The following PIK3CG variants were observed in gnomAD, a reference collection of about 807,000 sequenced individuals.
The protein encoded by PIK3CG is phosphatidylinositol 4,5-bisphosphate 3-kinase catalytic subunit gamma isoform.
In PIK3CG, 55 loss-of-function variants were observed where a neutral mutation model predicts 102.3. The ratio of observed to expected loss-of-function variants is 0.54; its 90% CI spans 0.43 to 0.67. The LOEUF (loss-of-function observed/expected upper bound fraction) is 0.67. Among genes scored for constraint, PIK3CG ranks in the 30% least tolerant of loss-of-function variants. The pLI is 0.00. For missense variants in PIK3CG, 1,258 were observed against 1,391.8 expected, an observed-to-expected ratio of 0.90 and a Z score of 1.53; for synonymous variants, 552 against 540.0, an observed-to-expected ratio of 1.02 and a Z score of -0.31.
Position 106,869,099 on chromosome 7 carries a change from C to G in PIK3CG, c.1538C>G (p.Ser513Ter), listed in dbSNP as rs1329690412. ...TSATNPDKEN[S>*]MSISILLDNY... ...GCAACTAACCCAGACAAGGAGAACT[C>G]AATGTCCATCTCCATTCTTCTGGAC... is the stretch of plus-strand genomic sequence containing the variant. Residue 513 changes from serine (S) to a stop codon, truncating the protein, a stop_gained, in exon 2 of 11, where the codon TCA becomes TGA. Transcript: ENST00000496166. LOFTEE classifies it high-confidence loss of function. This position sits in a 1 kb window ranked among gnomAD's most constrained non-coding sequence, Gnocchi z 5.3. The G allele has an allele frequency of 6.2e-7, 1 of 1,614,208 alleles. No individual in the cohort carries two copies. The highest frequency in any genetic ancestry group is 8.5e-7 in the Non-Finnish European group (1 of 1,180,038).
At position 106,893,979 on chromosome 7, in the gene PIK3CG, C is replaced by G. The variant is rs141982050; in HGVS notation, c.3030+7687C>G. ...ACTTGTGTATCTAAACACATCTGAACGGAAAAGGAACAGTAAAAATATGGA... is the reference window on the plus strand; with the variant it reads ...ACTTGTGTATCTAAACACATCTGAAGGGAAAAGGAACAGTAAAAATATGGA... On this transcript the variant is annotated intron_variant, in intron 10 of 10. Coordinates refer to ENST00000496166, the MANE Select transcript of PIK3CG (RefSeq NM_001282426.2). The surrounding 1 kb of genome is among the most constrained non-coding windows in gnomAD (Gnocchi z 4.4). Among the ~76,000 whole-genome samples, 1 of 152,006 alleles carries G rather than the reference C, an allele frequency of 6.6e-6. No individual in the cohort carries two copies. The highest frequency in any genetic ancestry group is 2.4e-5 in the African/African-American group (1 of 41,372).
chr7:106,878,878 C>T (rs1369471523), intron 5 of PIK3CG, among the ~76,000 whole-genome samples: 1 of 152,206 alleles, frequency 6.6e-6, no homozygotes, highest in Admixed American at 6.5e-5. Context: ...CTTTAAATGA[C>T]TACATCACAA....
chr7:106,885,609 A>G (rs1678782444), intron 9 of PIK3CG, among the ~76,000 whole-genome samples: 1 of 144,478 alleles, frequency 6.9e-6, no homozygotes, highest in African/African-American at 2.9e-5. Context: ...TGGTGGTGAT[A>G]GTAGTAGTGG....
intron 10 of PIK3CG, among the ~76,000 whole-genome samples, chr7:106,900,089 G>A (rs1017493640): frequency 3.3e-5 from 5 of 152,208 alleles, no homozygotes; most frequent in African/African-American, 1.2e-4. Flanking sequence ...TTGGGAGGGT[G>A]TATGTGTCCA....
Position 106,883,483 on chromosome 7 carries a change from G to A in PIK3CG, c.2760+320G>A, listed in dbSNP as rs376159556. On this transcript the variant is annotated intron_variant, in intron 8 of 10. Coordinates refer to ENST00000496166, the MANE Select transcript of PIK3CG (RefSeq NM_001282426.2). This position sits in a 1 kb window ranked among gnomAD's most constrained non-coding sequence, Gnocchi z 5.8. ...CTATCTATTTTTGTTGTTCAGCCAA[G>A]ATATTTAGTTACCATGTATAAACTC... Among the ~76,000 whole-genome samples the A allele has an allele frequency of 3.0e-4, 45 of 152,306 alleles. 1 individual carries two copies. The South Asian group carries it at 8.7e-3, about 29-fold the overall frequency.
Position 106,867,478 on chromosome 7 carries a change from C to T in PIK3CG, c.-12-72C>T, listed in dbSNP as rs1029963152. 7.2e-7 allele frequency: 1 copy of T among 1,383,608 alleles called. No individual in the cohort carries two copies. The highest frequency in any genetic ancestry group is 9.8e-7 in the Non-Finnish European group (1 of 1,015,320). The allele number at this position is 1,383,608 out of a possible 1,614,324, so 85.7% of individuals were successfully genotyped here. On this transcript the variant is annotated intron_variant, in intron 1 of 10. Coordinates refer to ENST00000496166, the MANE Select transcript of PIK3CG (RefSeq NM_001282426.2). This position sits in a 1 kb window ranked among gnomAD's most constrained non-coding sequence, Gnocchi z 5.1. Reference sequence around the variant, plus strand: ...TGTACGCCGCCTATACCTCCTCTTCCCTCATCTCACCAGAAAATATAAGGG... The same window carrying T: ...TGTACGCCGCCTATACCTCCTCTTCTCTCATCTCACCAGAAAATATAAGGG...
Position 106,880,468 on chromosome 7 carries a change from AAG to A in PIK3CG, c.2538+805_2538+806del, listed in dbSNP as rs1790899774. Among the ~76,000 whole-genome samples, 1 of 152,054 alleles carries A rather than the reference AAG, an allele frequency of 6.6e-6. No individual in the cohort carries two copies. Among genetic ancestry groups the A allele is most frequent in the Non-Finnish European group, 1.5e-5 (1 of 68,016 alleles). Reference sequence around the variant, plus strand: ...TTTGCTTTGCCTTTGCTTTGCTTTCAAGAATGATCTATGTTTTGTCCAGGAGG... The same window carrying A: ...TTTGCTTTGCCTTTGCTTTGCTTTCAAATGATCTATGTTTTGTCCAGGAGG... On this transcript the variant is annotated intron_variant, in intron 6 of 10. Transcript: ENST00000496166. The surrounding 1 kb of genome is among the most constrained non-coding windows in gnomAD (Gnocchi z 4.2).
chr7:106,878,524 C>T (rs1210495390), intron 5 of PIK3CG, among the ~76,000 whole-genome samples: 2 of 152,226 alleles, frequency 1.3e-5, no homozygotes, highest in Non-Finnish European at 2.9e-5. Flanking sequence ...TTCCTCTGTG[C>T]TGTAGCCTAG....
chr7:106,868,146 C>G lies in PIK3CG; in HGVS notation c.585C>G (p.Leu195=). Residue 195 remains leucine, a synonymous_variant, in exon 2 of 11, where the codon CTC becomes CTG. Transcript: ENST00000496166. This position sits in a 1 kb window ranked among gnomAD's most constrained non-coding sequence, Gnocchi z 6.2. Reference sequence around the variant, plus strand: ...AGGTGGCCAGCCGCGACCCCAAGCTCTACGCCATGCACCCGTGGGTGACGT... The same window carrying G: ...AGGTGGCCAGCCGCGACCCCAAGCTGTACGCCATGCACCCGTGGGTGACGT... ...MAEVASRDPK[L]YAMHPWVTSK... The G allele has an allele frequency of 6.2e-7, 1 of 1,613,384 alleles. No individual in the cohort carries two copies. Among genetic ancestry groups the G allele is most frequent in the Non-Finnish European group, 8.5e-7 (1 of 1,180,022 alleles).
At position 106,896,999 on chromosome 7, in the gene PIK3CG, A is replaced by C. The variant is rs74679763; in HGVS notation, c.3031-8110A>C. Among the ~76,000 whole-genome samples the C allele has an allele frequency of 4.3e-4, 66 of 152,274 alleles. No individual in the cohort carries two copies. In the East Asian group the frequency reaches 0.012, roughly 27 times the overall value. ...TATTAATATTTTGTCCTATAAATTT[A>C]TATTCTTTTTTCTATATAAATATTT... On this transcript the variant is annotated intron_variant, in intron 10 of 10. Transcript: ENST00000496166.
chr7:106,885,766 G>A (rs955954313), intron 9 of PIK3CG, among the ~76,000 whole-genome samples: 2 of 152,068 alleles, frequency 1.3e-5, no homozygotes, highest in Non-Finnish European at 2.9e-5. Flanking sequence ...CTGCCCCCAA[G>A]CAGAGTGAAA....
chr7:106,893,976 G>A lies in PIK3CG; in HGVS notation c.3030+7684G>A, dbSNP rs1400224055. Among the ~76,000 whole-genome samples, 1 of 152,176 alleles carries A rather than the reference G, an allele frequency of 6.6e-6. No individual in the cohort carries two copies. The highest frequency in any genetic ancestry group is 1.5e-5 in the Non-Finnish European group (1 of 68,020). ...TGCACTTGTGTATCTAAACACATCTGAACGGAAAAGGAACAGTAAAAATAT... is the reference window on the plus strand; with the variant it reads ...TGCACTTGTGTATCTAAACACATCTAAACGGAAAAGGAACAGTAAAAATAT... On this transcript the variant is annotated intron_variant, in intron 10 of 10. Transcript: ENST00000496166. The surrounding 1 kb of genome is among the most constrained non-coding windows in gnomAD (Gnocchi z 4.4).
At position 106,874,075 on chromosome 7, in the gene PIK3CG, C is replaced by G. The variant is rs1465827584; in HGVS notation, c.2288-625C>G. ...AATTTCTTTCTCCCTTTGATTCTTA[C>G]AATGCTTCCTCCTAAAAATGATGAT... On this transcript the variant is annotated intron_variant, in intron 4 of 10. Coordinates refer to ENST00000496166, the MANE Select transcript of PIK3CG (RefSeq NM_001282426.2). This position sits in a 1 kb window ranked among gnomAD's most constrained non-coding sequence, Gnocchi z 4.3. Among the ~76,000 whole-genome samples, 2 of 152,206 alleles carry G rather than the reference C, an allele frequency of 1.3e-5. No individual in the cohort carries two copies. Among genetic ancestry groups the G allele is most frequent in the East Asian group, 3.9e-4 (2 of 5,178 alleles).
intron 5 of PIK3CG, among the ~76,000 whole-genome samples, chr7:106,875,720 T>C (rs1489231266): frequency 6.6e-6 from 1 of 152,204 alleles, no homozygotes; most frequent in Non-Finnish European, 1.5e-5. Context: ...TATACCACAG[T>C]TTGTTTTCCA....
chr7:106,896,869 C>T (rs1320896347), intron 10 of PIK3CG, among the ~76,000 whole-genome samples: 1 of 152,172 alleles, frequency 6.6e-6, no homozygotes, highest in African/African-American at 2.4e-5. Flanking sequence ...CCTGCCCAGC[C>T]TTGACATACA....
chr7:106,905,051 C>A lies in PIK3CG; in HGVS notation c.3031-58C>A, dbSNP rs2116616387. The A allele has an allele frequency of 6.8e-7, 1 of 1,461,390 alleles. No homozygotes were observed. Among genetic ancestry groups the A allele is most frequent in the Non-Finnish European group, 9.4e-7 (1 of 1,058,958 alleles). 90.5% of individuals were successfully genotyped at this position (1,461,390 alleles called of 1,614,324 possible). On this transcript the variant is annotated intron_variant, in intron 10 of 10. Coordinates refer to ENST00000496166, the MANE Select transcript of PIK3CG (RefSeq NM_001282426.2). The surrounding 1 kb of genome is among the most constrained non-coding windows in gnomAD (Gnocchi z 5.6). ...CATTTCAGTACATCCCTGTAATCTTCAGCCTACTTGTTAGTTACCATAACA... is the reference window on the plus strand; with the variant it reads ...CATTTCAGTACATCCCTGTAATCTTAAGCCTACTTGTTAGTTACCATAACA...
At chr7:106,886,648 T>C (rs1439229891) in intron 10 of PIK3CG, among the ~76,000 whole-genome samples, 1 of 152,204 alleles carries the variant, frequency 6.6e-6, no homozygotes, top group Non-Finnish European at 1.5e-5. Context: ...TTCAAGACCT[T>C]AGCTAGAAGA....
chr7:106,903,540 G>A lies in PIK3CG; in HGVS notation c.3031-1569G>A, dbSNP rs952116262. Among the ~76,000 whole-genome samples, 3 of 151,644 alleles carry A rather than the reference G, an allele frequency of 2.0e-5. No homozygotes were observed. The highest frequency in any genetic ancestry group is 4.4e-5 in the Non-Finnish European group (3 of 67,912). ...TACATGTTTTATGTGTTCATCCTAG[G>A]AATCATGTTATTGTTGTTACCATTG... On this transcript the variant is annotated intron_variant, in intron 10 of 10. Transcript: ENST00000496166. The surrounding 1 kb of genome is among the most constrained non-coding windows in gnomAD (Gnocchi z 4.3).
chr7:106,886,110 A>G (rs1562962303), intron 9 of PIK3CG, 25 bp from the exon 10 acceptor site: 2 of 1,607,064 alleles, frequency 1.2e-6, no homozygotes, highest in Non-Finnish European at 1.7e-6. Context: ...CACTGTAATG[A>G]TGTCAGATAC....
Sources: gnomAD v4.1 joint callset for allele counts (sites outside exome capture counted in the v4.1 genomes callset) on GRCh38, gnomAD v4.1.1 for gene constraint, Gnocchi (gnomAD v3.1) non-coding constraint, MANE v1.5 for transcripts, NCBI Gene and HGNC (gene_info 2026-07-23, HGNC 2026-07-21) for gene names.